NEGR1: variants seen among roughly 807,000 people sequenced by gnomAD.
NEGR1 encodes neuronal growth regulator 1.
NEGR1 carries 10 observed loss-of-function variants against 40.9 expected under a neutral mutation model. The observed-to-expected ratio is 0.24, with a 90% CI of 0.15 to 0.42. The LOEUF (loss-of-function observed/expected upper bound fraction) is 0.42, where lower values mean the gene tolerates loss of function less well. Ranked by LOEUF, NEGR1 falls within the 10% of genes least tolerant of loss-of-function variation. NEGR1 has a pLI of 1.00. For synonymous variants in NEGR1, 185 were observed against 166.8 expected (o/e 1.11, Z -0.84); for missense variants, 352 against 438.9 (o/e 0.80, Z 1.77).
intron 1 of NEGR1, among the ~76,000 whole-genome samples, chr1:71,973,433 A>T (rs1334266072): frequency 6.6e-6 from 1 of 152,148 alleles, no homozygotes; most frequent in Non-Finnish European, 1.5e-5. Context: ...AGATCAAATA[A>T]TAAATATCTG....
chr1:71,898,510 G>A (rs941192725), intron 2 of NEGR1, among the ~76,000 whole-genome samples: 2 of 152,114 alleles, frequency 1.3e-5, no homozygotes, highest in Non-Finnish European at 2.9e-5. Context: ...AGCTACTCAG[G>A]AGGCTGAGGC....
At chr1:71,930,054 C>T (rs970540714) in intron 2 of NEGR1, among the ~76,000 whole-genome samples, 1 of 151,988 alleles carries the variant, frequency 6.6e-6, no homozygotes, top group African/African-American at 2.4e-5. Context: ...GGAGTTTTGC[C>T]TAAGAAGGAT....
At chr1:71,696,424 T>C (rs1203599341) in intron 4 of NEGR1, among the ~76,000 whole-genome samples, 3 of 151,736 alleles carry the variant, frequency 2.0e-5, no homozygotes, top group Admixed American at 6.6e-5. Flanking sequence ...ACCTCTTGGG[T>C]CTTGGAGTTT....
At chr1:72,026,439 C>T (rs1007223463) in intron 1 of NEGR1, among the ~76,000 whole-genome samples, 1 of 150,604 alleles carries the variant, frequency 6.6e-6, no homozygotes, top group Non-Finnish European at 1.5e-5. Flanking sequence ...AACTAGCTGA[C>T]GTCAAAGTTG....
At chr1:71,896,455 A>G (rs1433947273) in intron 2 of NEGR1, among the ~76,000 whole-genome samples, 2 of 152,186 alleles carry the variant, frequency 1.3e-5, no homozygotes, top group African/African-American at 4.8e-5. Flanking sequence ...CTAGTGCCTT[A>G]TCTAAGATAT....
chr1:71,446,486 C>A (rs1491002035), intron 6 of NEGR1, among the ~76,000 whole-genome samples: 1 of 152,094 alleles, frequency 6.6e-6, no homozygotes, highest in African/African-American at 2.4e-5. Context: ...AAGAATTGTG[C>A]ACAATACTAT....
chr1:71,908,781 T>C (rs1236021037), intron 2 of NEGR1, among the ~76,000 whole-genome samples: 8 of 152,206 alleles, frequency 5.3e-5, no homozygotes, highest in African/African-American at 1.7e-4. Flanking sequence ...ACAGTTTTTT[T>C]AGTAATTCAG....
At chr1:71,781,104 T>A (rs1656699703) in intron 2 of NEGR1, among the ~76,000 whole-genome samples, 1 of 152,176 alleles carries the variant, frequency 6.6e-6, no homozygotes, top group South Asian at 2.1e-4. Context: ...TTTTGTTTGT[T>A]TAATGAGCAG....
At chr1:71,821,225 T>C (rs545546743) in intron 2 of NEGR1, among the ~76,000 whole-genome samples, 23 of 151,952 alleles carry the variant, frequency 1.5e-4, no homozygotes, top group South Asian at 4.1e-4. Context: ...GTACTTCCCA[T>C]TAATCCATTA....
chr1:71,450,444 A>G (rs1461323827), intron 6 of NEGR1, among the ~76,000 whole-genome samples: 2 of 152,188 alleles, frequency 1.3e-5, no homozygotes, highest in Non-Finnish European at 2.9e-5. Flanking sequence ...CATTTTTTAG[A>G]GGGACTTCTA....
At chr1:71,866,498 G>C (rs1660117402) in intron 2 of NEGR1, among the ~76,000 whole-genome samples, 1 of 152,128 alleles carries the variant, frequency 6.6e-6, no homozygotes, top group African/African-American at 2.4e-5. Flanking sequence ...TTTGAATAAT[G>C]TAAACTGTAC....
intron 1 of NEGR1, among the ~76,000 whole-genome samples, chr1:72,224,841 C>G (rs1039970918): frequency 1.3e-5 from 2 of 151,960 alleles, no homozygotes; most frequent in East Asian, 3.9e-4. Flanking sequence ...TAGTGTAATA[C>G]AAGATTAGTT....
chr1:72,218,343 C>T (rs781673474), intron 1 of NEGR1, among the ~76,000 whole-genome samples: 12 of 151,506 alleles, frequency 7.9e-5, no homozygotes, highest in South Asian at 2.1e-4. Flanking sequence ...TAGGTTATGA[C>T]GTAACTACTT....
intron 4 of NEGR1, among the ~76,000 whole-genome samples, chr1:71,629,256 G>A (rs1013803066): frequency 6.6e-6 from 1 of 151,396 alleles, no homozygotes; most frequent in Admixed American, 6.6e-5. Context: ...TTTTGATGGG[G>A]TTGTTAAAAA....
intron 6 of NEGR1, among the ~76,000 whole-genome samples, chr1:71,554,064 G>A (rs1463061480): frequency 6.6e-6 from 1 of 151,410 alleles, no homozygotes; most frequent in Non-Finnish European, 1.5e-5. Context: ...AGAATTAAAA[G>A]AAATAAGTTT....
chr1:71,948,948 C>G (rs1453522727), intron 1 of NEGR1, among the ~76,000 whole-genome samples: 1 of 152,032 alleles, frequency 6.6e-6, no homozygotes, highest in Non-Finnish European at 1.5e-5. Context: ...CCTTGAGTCA[C>G]TCTAAAAAGT....
intron 1 of NEGR1, among the ~76,000 whole-genome samples, chr1:72,134,129 T>C (rs1244379957): frequency 6.6e-6 from 1 of 152,104 alleles, no homozygotes; most frequent in Non-Finnish European, 1.5e-5. Flanking sequence ...TATTGAAAGA[T>C]GTATTTAAGT....
chr1:71,991,500 ACCT>A (rs1646450516), intron 1 of NEGR1, among the ~76,000 whole-genome samples: 1 of 152,112 alleles, frequency 6.6e-6, no homozygotes, highest in Admixed American at 6.5e-5. Context: ...GAATGCTCTT[ACCT>A]CTTCTTCATC....
chr1:71,433,483 C>T (rs759392140), intron 6 of NEGR1, among the ~76,000 whole-genome samples: 113 of 152,184 alleles, frequency 7.4e-4, no homozygotes, highest in African/African-American at 2.7e-3. Context: ...AAGATATACC[C>T]GAGACTGGGA....
Sources: gnomAD v4.1 joint callset for allele counts (sites outside exome capture counted in the v4.1 genomes callset) on GRCh38, gnomAD v4.1.1 for gene constraint, MANE v1.5 for transcripts, NCBI Gene and HGNC (gene_info 2026-07-23, HGNC 2026-07-21) for gene names.